Variants in CRAMP1 observed in about 807,000 individuals in gnomAD.
CRAMP1 encodes protein cramped-like.
In CRAMP1, 50 loss-of-function variants were observed where a neutral mutation model predicts 115.4. That is an observed-to-expected ratio of 0.43 (90% CI 0.35 to 0.55). The LOEUF (loss-of-function observed/expected upper bound fraction) is 0.55, where lower values mean the gene tolerates loss of function less well. Among genes scored for constraint, CRAMP1 ranks in the 20% least tolerant of loss-of-function variants. The probability of loss-of-function intolerance (pLI) is 0.01; values close to 1 mark genes in which losing one functional copy is unlikely to be tolerated. For missense variants in CRAMP1, 1,679 were observed against 1,721.7 expected (o/e 0.98, Z 0.44); for synonymous variants, 866 against 745.4 (o/e 1.16, Z -2.64).
chr16:1,622,974 T>C (rs2036478305), intron 2 of CRAMP1, among the ~76,000 whole-genome samples: 1 of 152,124 alleles, frequency 6.6e-6, no homozygotes, highest in African/African-American at 2.4e-5. Flanking sequence ...TTGGCCAGAC[T>C]GATCTCGAAT....
At chr16:1,660,832 C>T (rs1169827166) in intron 11 of CRAMP1, among the ~76,000 whole-genome samples, 1 of 151,948 alleles carries the variant, frequency 6.6e-6, no homozygotes, top group East Asian at 1.9e-4. Flanking sequence ...CATGGCGAAA[C>T]CCTGTCTCTA....
intron 10 of CRAMP1, among the ~76,000 whole-genome samples, chr16:1,658,008 AC>A (rs2036790720): frequency 1.3e-5 from 2 of 152,016 alleles, no homozygotes; most frequent in Non-Finnish European, 2.9e-5. Flanking sequence ...GCCCCCACAC[AC>A]CCACTGCTCC....
At chr16:1,639,162 C>A (rs541924040) in intron 5 of CRAMP1, among the ~76,000 whole-genome samples, 2 of 152,196 alleles carry the variant, frequency 1.3e-5, no homozygotes, top group African/African-American at 4.8e-5. Flanking sequence ...GTTGCCTGGT[C>A]CTTTTGCACC....
At position 1,614,665 on chromosome 16, in the gene CRAMP1, G is replaced by T; in HGVS notation, c.26G>T (p.Gly9Val). The T allele has an allele frequency of 7.7e-7, 1 of 1,294,266 alleles. No individual in the cohort carries two copies. The highest frequency in any genetic ancestry group is 2.5e-5 in the South Asian group (1 of 40,620). The allele number at this position is 1,294,266 out of a possible 1,614,324, so 80.2% of individuals were successfully genotyped here. Reference protein sequence around the residue: MTVKLGDGGSGEDGLKKLG... With the variant: MTVKLGDGVSGEDGLKKLG... Reference sequence around the variant, plus strand: ...ATGACAGTGAAGTTGGGCGACGGCGGCAGCGGGGAGGACGGGCTCAAGAAG... The same window carrying T: ...ATGACAGTGAAGTTGGGCGACGGCGTCAGCGGGGAGGACGGGCTCAAGAAG... The change falls in exon 2 of 21, where the codon GGC (glycine) becomes GTC (valine). Residue 9 changes from glycine (G) to valine (V), a missense_variant. This residue lies in a region of CRAMP1 where 264 missense variants were observed against 229.7 expected (regional missense o/e 1.15). Coordinates refer to ENST00000397412, the MANE Select transcript of CRAMP1 (RefSeq NM_020825.4). The surrounding 1 kb of genome is among the most constrained non-coding windows in gnomAD (Gnocchi z 4.4).
intron 6 of CRAMP1, among the ~76,000 whole-genome samples, chr16:1,651,330 CAG>C (rs1348654660): frequency 4.7e-5 from 7 of 150,516 alleles, no homozygotes; most frequent in Non-Finnish European, 1.0e-4. Flanking sequence ...AGAGGTCACA[CAG>C]AGGTCATCTA....
chr16:1,632,209 C>T lies in CRAMP1; in HGVS notation c.541-3C>T, dbSNP rs1426664854. 2 of 1,553,770 alleles carry T rather than the reference C, an allele frequency of 1.3e-6. No homozygotes were observed. The highest frequency in any genetic ancestry group is 1.7e-6 in the Non-Finnish European group (2 of 1,148,202). ...TACATTTATCATGGAATTTATTTTC[C>T]AGCATGGGAAAGACTTTGAAGCGAT... On this transcript the variant is annotated splice_region_variant and splice_polypyrimidine_tract_variant and intron_variant, in intron 3 of 20. Coordinates refer to ENST00000397412, the MANE Select transcript of CRAMP1 (RefSeq NM_020825.4).
Position 1,656,231 on chromosome 16 carries a change from G to T in CRAMP1, c.1474G>T (p.Glu492Ter). 6.2e-7 allele frequency: 1 copy of T among 1,608,152 alleles called. No individual in the cohort carries two copies. Among genetic ancestry groups the T allele is most frequent in the Non-Finnish European group, 8.5e-7 (1 of 1,178,714 alleles). The change falls in exon 10 of 21, where the codon GAA becomes TAA. Residue 492 changes from glutamate (E) to a stop codon, truncating the protein, a stop_gained. Transcript: ENST00000397412. LOFTEE classifies it high-confidence loss of function. This position sits in a 1 kb window ranked among gnomAD's most constrained non-coding sequence, Gnocchi z 5.6. ...GCAGAGCTCCGGAGAGAGTTCCCCC[G>T]AAAGCGCCCCCGGGGAGGGGGCTGC... ...ALQSSGESSP[E>*]SAPGEGAALS...
intron 3 of CRAMP1, among the ~76,000 whole-genome samples, chr16:1,631,635 C>G (rs2036548701): frequency 6.6e-6 from 1 of 152,226 alleles, no homozygotes; most frequent in Non-Finnish European, 1.5e-5. Flanking sequence ...TTCTGTGGAA[C>G]ACAAGTTCTC....
chr16:1,652,033 C>G (rs138861794), intron 6 of CRAMP1, among the ~76,000 whole-genome samples: 2 of 151,436 alleles, frequency 1.3e-5, no homozygotes, highest in Non-Finnish European at 2.9e-5. Flanking sequence ...ACAGAGGTCA[C>G]AGGGAGGTGG....
chr16:1,643,387 A>G (rs935160614), intron 6 of CRAMP1, among the ~76,000 whole-genome samples: 3 of 152,168 alleles, frequency 2.0e-5, no homozygotes, highest in Admixed American at 6.5e-5. Flanking sequence ...CTAAAAATAC[A>G]AAAATTAGCT....
At chr16:1,621,518 C>T (rs1218592107) in intron 2 of CRAMP1, among the ~76,000 whole-genome samples, 1 of 152,176 alleles carries the variant, frequency 6.6e-6, no homozygotes, top group Non-Finnish European at 1.5e-5. Flanking sequence ...CTGACACGGG[C>T]TAAGCAGGAA....
chr16:1,673,874 C>T lies in CRAMP1; in HGVS notation c.3646-7C>T. On this transcript the variant is annotated splice_polypyrimidine_tract_variant and splice_region_variant and intron_variant, in intron 20 of 20. Transcript: ENST00000397412. The stretch of plus-strand genomic sequence containing the variant: ...TGACTTGTTCTTCCTGTCTCCTCTT[C>T]CTGCAGGTTGTGGATTCCCAGCTGG... 1 of 1,613,698 alleles carries T rather than the reference C, an allele frequency of 6.2e-7. No individual in the cohort carries two copies. Among genetic ancestry groups the T allele is most frequent in the Non-Finnish European group, 8.5e-7 (1 of 1,179,756 alleles).
intron 11 of CRAMP1, 65 bp from the exon 12 acceptor site, chr16:1,662,425 T>C: frequency 7.5e-7 from 1 of 1,336,110 alleles, no homozygotes; most frequent in Non-Finnish European, 1.1e-6. Context: ...CCAACGGAAT[T>C]CCGTGACCCT....
chr16:1,631,516 A>G (rs1269098991), intron 3 of CRAMP1, among the ~76,000 whole-genome samples: 1 of 152,208 alleles, frequency 6.6e-6, no homozygotes, highest in Non-Finnish European at 1.5e-5. Context: ...GGCGCTAAGG[A>G]TGCTGGTTAC....
intron 3 of CRAMP1, among the ~76,000 whole-genome samples, chr16:1,631,768 C>G (rs8050447): frequency 6.6e-6 from 1 of 152,160 alleles, no homozygotes; most frequent in Admixed American, 6.5e-5. Flanking sequence ...TTGCTGTCCT[C>G]GTTTGAATAT....
At chr16:1,632,832 C>T (rs1469785267) in intron 4 of CRAMP1, among the ~76,000 whole-genome samples, 2 of 152,240 alleles carry the variant, frequency 1.3e-5, no homozygotes, top group Non-Finnish European at 1.5e-5. Flanking sequence ...CGTTCAGTCA[C>T]GGGACCAAGT....
intron 1 of CRAMP1, among the ~76,000 whole-genome samples, chr16:1,612,917 T>G (rs1034429169): frequency 9.9e-5 from 15 of 151,918 alleles, no homozygotes; most frequent in Non-Finnish European, 2.2e-4. Context: ...ATCCCCCTGC[T>G]TGTTGGCCCT....
At chr16:1,668,609 A>T (rs889090520) in intron 18 of CRAMP1, among the ~76,000 whole-genome samples, 7 of 152,294 alleles carry the variant, frequency 4.6e-5, no homozygotes, top group African/African-American at 1.4e-4. Context: ...TTTGTTGTTC[A>T]CTGGCGCGAC....
rs967431499 is a variant in CRAMP1 at position 1,664,552 on chromosome 16, G to A, written c.2671-505G>A. Among the ~76,000 whole-genome samples the A allele has an allele frequency of 3.9e-4, 60 of 152,200 alleles. 1 individual carries two copies. Among genetic ancestry groups the A allele is most frequent in the African/African-American group, 1.4e-3 (57 of 41,430 alleles). Reference sequence around the variant, plus strand: ...CCAGCACTTTGGGAGGCCGAGGCAGGTGGATCACCTGAGGTCAGGAGTTCA... The same window carrying A: ...CCAGCACTTTGGGAGGCCGAGGCAGATGGATCACCTGAGGTCAGGAGTTCA... On this transcript the variant is annotated intron_variant, in intron 13 of 20. Coordinates refer to ENST00000397412, the MANE Select transcript of CRAMP1 (RefSeq NM_020825.4).
Sources: allele counts gnomAD v4.1 joint callset (sites outside exome capture counted in the v4.1 genomes callset), GRCh38; gene constraint gnomAD v4.1.1; regional missense constraint gnomAD v4.1.1; non-coding constraint Gnocchi (gnomAD v3.1); transcripts MANE v1.5; gene names NCBI Gene and HGNC (gene_info 2026-07-23, HGNC 2026-07-21).